The following STIP1 variants were observed in gnomAD, a reference collection of about 807,000 sequenced individuals.
The protein encoded by STIP1 is stress-induced-phosphoprotein 1.
Under a neutral mutation model 77.4 loss-of-function variants are expected in STIP1, and 16 were observed. That is an observed-to-expected ratio of 0.21 (90% confidence interval 0.14 to 0.31). STIP1 has a LOEUF of 0.31. STIP1 is among the 10% of genes least tolerant of loss of function. The pLI is 1.00. For synonymous variants in STIP1, 258 were observed against 246.6 expected (o/e 1.05, Z -0.44); for missense variants, 524 against 684.8 (o/e 0.77, Z 2.62).
At chr11:64,193,876 G>A (rs974895334) in intron 2 of STIP1, among the ~76,000 whole-genome samples, 1 of 151,916 alleles carries the variant, frequency 6.6e-6, no homozygotes, top group Non-Finnish European at 1.5e-5. Flanking sequence ...GGAGCCCAAA[G>A]GTTTGGGACC....
intron 1 of STIP1, among the ~76,000 whole-genome samples, chr11:64,188,865 G>A (rs974761585): frequency 2.0e-5 from 3 of 152,152 alleles, no homozygotes; most frequent in East Asian, 3.9e-4. Context: ...AAACAAACAC[G>A]ATTTCTCTAC....
At chr11:64,200,898 G>C (rs77281744) in intron 10 of STIP1, among the ~76,000 whole-genome samples, 2 of 151,314 alleles carry the variant, frequency 1.3e-5, no homozygotes, top group African/African-American at 4.9e-5. Flanking sequence ...ACCATCTCCC[G>C]GGTATTTTAG....
At position 64,190,001 on chromosome 11, in the gene STIP1, C is replaced by CTTT. The variant is rs149110413; in HGVS notation, c.10-3076_10-3075insTTT. On this transcript the variant is annotated intron_variant, in intron 1 of 13. Coordinates refer to ENST00000305218, the MANE Select transcript of STIP1 (RefSeq NM_006819.3). ...ATTTGAGGATTCCAAAATCATTTCT[C>CTTT]TCTTTTTTTTTTTTTTCCAAATAGA... 9.5e-4 allele frequency among the ~76,000 whole-genome samples: 140 copies of CTTT among 147,516 alleles called. 3 individuals carry two copies. Among genetic ancestry groups the CTTT allele is most frequent in the East Asian group, 2.2e-3 (11 of 5,096 alleles).
At chr11:64,202,598 C>T (rs1946231254) in intron 10 of STIP1, 3 of 455,060 alleles carry the variant, frequency 6.6e-6, no homozygotes, top group Non-Finnish European at 1.2e-5. Context: ...GCTCTCAGGA[C>T]CAAGGCCCAC....
At position 64,197,961 on chromosome 11, in the gene STIP1, A is replaced by G; in HGVS notation, c.1010A>G (p.Lys337Arg). The G allele has an allele frequency of 1.2e-6, 2 of 1,613,130 alleles. No homozygotes were observed. Among genetic ancestry groups the G allele is most frequent in the Non-Finnish European group, 8.5e-7 (1 of 1,179,656 alleles). Reference protein sequence around the residue: ...LAEHRTPDVLKKCQQAEKILK... With the variant: ...LAEHRTPDVLRKCQQAEKILK... ...GAGCACCGAACCCCAGATGTGCTCA[A>G]GAAATGCCAGCAGGTGCGTAGGAAA... is the stretch of plus-strand genomic sequence containing the variant. Residue 337 changes from lysine to arginine, a missense_variant, in exon 8 of 14, where the codon AAG becomes AGG. Lys to Arg is a conservative substitution (Grantham distance 26, BLOSUM62 2). Transcript: ENST00000305218.
intron 10 of STIP1, 43 bp downstream of exon 10, chr11:64,200,336 A>G (rs375575793): frequency 9.6e-6 from 15 of 1,570,308 alleles, no homozygotes; most frequent in Admixed American, 6.0e-5. Flanking sequence ...AAGCCTGCAC[A>G]TGAGGAGTGG....
intron 1 of STIP1, among the ~76,000 whole-genome samples, chr11:64,188,814 C>A (rs1247701065): frequency 6.6e-6 from 1 of 152,214 alleles, no homozygotes; most frequent in East Asian, 1.9e-4. Flanking sequence ...GGCATTTAAT[C>A]CCAGGTGTGT....
At chr11:64,186,680 A>G (rs1946023623) in intron 1 of STIP1, among the ~76,000 whole-genome samples, 1 of 152,170 alleles carries the variant, frequency 6.6e-6, no homozygotes, top group African/African-American at 2.4e-5. Flanking sequence ...GCCCTCCGGG[A>G]GATCTCAGAC....
chr11:64,186,012 G>A (rs778453088), upstream of STIP1: 10 of 1,544,216 alleles, frequency 6.5e-6, no homozygotes, highest in South Asian at 4.8e-5. Flanking sequence ...TGAGGTGCGG[G>A]GGAGGCAGGG....
At position 64,186,217 on chromosome 11, in the gene STIP1, G is replaced by A. The variant is rs552221885; in HGVS notation, c.-45G>A. 133 of 1,550,722 alleles carry A rather than the reference G, an allele frequency of 8.6e-5. No individual in the cohort carries two copies. Among genetic ancestry groups the A allele is most frequent in the Non-Finnish European group, 1.1e-4 (129 of 1,146,982 alleles). On this transcript the variant is annotated 5_prime_UTR_variant, in exon 1 of 14. Transcript: ENST00000305218. The stretch of plus-strand genomic sequence containing the variant: ...GGCGGCGCGTGCGGTTGGGAACGCG[G>A]AGCGGACGGATTCGATTCAACGGGG...
chr11:64,188,037 CAAAAAAA>C (rs34070761), intron 1 of STIP1, among the ~76,000 whole-genome samples: 3 of 72,190 alleles, frequency 4.2e-5, no homozygotes, highest in African/African-American at 1.7e-4. Flanking sequence ...GACTCCGTCT[CAAAAAAA>C]AAAAAAAAAA....
chr11:64,200,342 A>C (rs753273352), intron 10 of STIP1, 49 bp downstream of exon 10: 2 of 1,564,014 alleles, frequency 1.3e-6, no homozygotes, highest in Non-Finnish European at 1.7e-6. Flanking sequence ...GCACATGAGG[A>C]GTGGGTTTTC....
intron 1 of STIP1, among the ~76,000 whole-genome samples, chr11:64,187,489 C>T (rs1946037574): frequency 6.6e-6 from 1 of 152,146 alleles, no homozygotes; most frequent in South Asian, 2.1e-4. Context: ...GACTACCATC[C>T]TTTTTTTGGT....
intron 4 of STIP1, 128 bp downstream of exon 4, chr11:64,194,748 C>A: frequency 8.5e-7 from 1 of 1,181,580 alleles, no homozygotes; most frequent in Non-Finnish European, 1.2e-6. Context: ...CTCTGCAGAG[C>A]AGTAGGTGGT....
At chr11:64,192,619 G>A (rs559325471) in intron 1 of STIP1, among the ~76,000 whole-genome samples, 3 of 152,308 alleles carry the variant, frequency 2.0e-5, no homozygotes, top group South Asian at 2.1e-4. Context: ...AGAAGTCTCC[G>A]CTGCCATCCC....
chr11:64,185,426 T>C (rs547986697), upstream of STIP1: 4 of 216,772 alleles, frequency 1.8e-5, no homozygotes, highest in East Asian at 4.0e-4. Context: ...TCACGTGGCA[T>C]TTCCGGAACA....
At position 64,192,033 on chromosome 11, in the gene STIP1, C is replaced by T. The variant is rs534684510; in HGVS notation, c.10-1045C>T. Among the ~76,000 whole-genome samples the T allele has an allele frequency of 3.3e-5, 5 of 152,240 alleles. No homozygotes were observed. In the East Asian group the frequency reaches 9.6e-4, roughly 29 times the overall value. ...CACTTTTTAAAACTGCTGTATCCCA[C>T]CGGGCGCGGTGGCTCACACCTGTAA... On this transcript the variant is annotated intron_variant, in intron 1 of 13. Transcript: ENST00000305218.
intron 13 of STIP1, 187 bp from the exon 14 acceptor site, chr11:64,203,867 G>A (rs2134814252): frequency 2.5e-6 from 2 of 795,708 alleles, no homozygotes; most frequent in South Asian, 3.2e-5. Context: ...GCTGTGTCGT[G>A]GGCTCAAGAG....
chr11:64,200,269 C>G lies in STIP1; in HGVS notation c.1221C>G (p.Leu407=), dbSNP rs140438611. Residue 407 remains leucine, a synonymous_variant, in exon 10 of 14, where the codon CTC becomes CTG. Transcript: ENST00000305218. ...ATCGAGCTGCCTGCTACACCAAACT[C>G]CTGGAGTTCCAGCTGGCACTCAAGG... ...YSNRAACYTK[L]LEFQLALKDC... 6.2e-7 allele frequency: 1 copy of G among 1,612,606 alleles called. No individual in the cohort carries two copies.
Sources: gnomAD v4.1 joint callset for allele counts (sites outside exome capture counted in the v4.1 genomes callset) on GRCh38, gnomAD v4.1.1 for gene constraint, MANE v1.5 for transcripts, NCBI Gene and HGNC (gene_info 2026-07-23, HGNC 2026-07-21) for gene names.